The following CSMD1 variants were observed in gnomAD, a reference collection of about 807,000 sequenced individuals.
CSMD1 encodes the protein CUB and sushi domain-containing protein 1.
Under a neutral mutation model 417.5 loss-of-function variants are expected in CSMD1, and 213 were observed. The observed-to-expected ratio is 0.51, with a 90% CI of 0.46 to 0.57. CSMD1 has a LOEUF of 0.57. Among genes scored for constraint, CSMD1 ranks in the 20% least tolerant of loss-of-function variants. The probability of loss-of-function intolerance (pLI) is 0.00; values close to 1 mark genes in which losing one functional copy is unlikely to be tolerated. For synonymous variants in CSMD1, 2,862 were observed against 1,736.8 expected (o/e 1.65, Z -16.11); for missense variants, 6,923 against 4,529.7 (o/e 1.53, Z -15.17).
chr8:4,473,710 A>G (rs1014560233), intron 2 of CSMD1, among the ~76,000 whole-genome samples: 1 of 152,230 alleles, frequency 6.6e-6, no homozygotes, highest in African/African-American at 2.4e-5. Flanking sequence ...TAAGGTATGC[A>G]GGAATGTGTA....
intron 7 of CSMD1, among the ~76,000 whole-genome samples, chr8:3,651,400 G>A (rs1340689753): frequency 6.6e-6 from 1 of 152,008 alleles, no homozygotes; most frequent in Non-Finnish European, 1.5e-5. Flanking sequence ...GGAAGCCATG[G>A]CCCTTCATGG....
intron 2 of CSMD1, among the ~76,000 whole-genome samples, chr8:4,461,855 C>G (rs1332059662): frequency 6.6e-6 from 1 of 151,448 alleles, no homozygotes; most frequent in Non-Finnish European, 1.5e-5. Flanking sequence ...ATTCTCCTGC[C>G]TCAGCCTCCC....
chr8:4,727,072 G>A (rs1037278040), intron 1 of CSMD1, among the ~76,000 whole-genome samples: 3 of 152,094 alleles, frequency 2.0e-5, no homozygotes, highest in Non-Finnish European at 2.9e-5. Context: ...ATTGATGTCA[G>A]GGCTTTCTAC....
chr8:3,254,757 T>G (rs1249823803), intron 26 of CSMD1, among the ~76,000 whole-genome samples: 1 of 152,210 alleles, frequency 6.6e-6, no homozygotes, highest in Non-Finnish European at 1.5e-5. Flanking sequence ...TTGGTTATTC[T>G]AGTTAGCCAT....
intron 10 of CSMD1, among the ~76,000 whole-genome samples, chr8:3,526,797 C>T (rs928716233): frequency 5.3e-5 from 8 of 152,168 alleles, no homozygotes; most frequent in African/African-American, 1.7e-4. Context: ...TTGCAGCAGA[C>T]GACGCTGGTT....
Position 3,664,391 on chromosome 8 carries a change from C to T in CSMD1, c.1009+44023G>A, listed in dbSNP as rs930002627. Among the ~76,000 whole-genome samples the T allele has an allele frequency of 5.3e-4, 80 of 152,300 alleles. 1 individual carries two copies. The highest frequency in any genetic ancestry group is 1.8e-3 in the African/African-American group (76 of 41,566). On this transcript the variant is annotated intron_variant, in intron 7 of 69. Coordinates refer to ENST00000635120, the MANE Select transcript of CSMD1 (RefSeq NM_033225.6). Reference sequence around the variant, plus strand: ...AATGAAGCTTTTTCTGCTCCTGGTTCACTTCAATAACCTGAATCAGTTCTC... The same window carrying T: ...AATGAAGCTTTTTCTGCTCCTGGTTTACTTCAATAACCTGAATCAGTTCTC...
At chr8:4,067,638 A>T (rs1799321218) in intron 3 of CSMD1, among the ~76,000 whole-genome samples, 1 of 152,200 alleles carries the variant, frequency 6.6e-6, no homozygotes, top group Non-Finnish European at 1.5e-5. Context: ...ACATAAACTG[A>T]TTTCATTCAA....
intron 5 of CSMD1, among the ~76,000 whole-genome samples, chr8:3,835,332 C>T (rs1200301668): frequency 2.0e-5 from 3 of 152,070 alleles, no homozygotes; most frequent in East Asian, 1.9e-4. Flanking sequence ...TGTCCAACAA[C>T]GACAGACTGG....
chr8:4,010,568 G>A (rs139966759), intron 4 of CSMD1, among the ~76,000 whole-genome samples: 155 of 151,958 alleles, frequency 1.0e-3, no homozygotes, highest in South Asian at 2.3e-3. Flanking sequence ...TAAGGCATCA[G>A]TTTCTACAGC....
chr8:3,646,858 G>C (rs930622205), intron 7 of CSMD1, among the ~76,000 whole-genome samples: 1 of 152,104 alleles, frequency 6.6e-6, no homozygotes, highest in Non-Finnish European at 1.5e-5. Context: ...CTCTCTGGCT[G>C]AATTTGGGTC....
At chr8:3,489,576 C>G (rs1012953219) in intron 11 of CSMD1, among the ~76,000 whole-genome samples, 1 of 152,174 alleles carries the variant, frequency 6.6e-6, no homozygotes. Context: ...AAGAAAGTTA[C>G]TTAACTTTCT....
chr8:4,405,102 T>C (rs1054384602), intron 3 of CSMD1, among the ~76,000 whole-genome samples: 1 of 152,160 alleles, frequency 6.6e-6, no homozygotes, highest in Middle Eastern at 3.2e-3. Flanking sequence ...TCAGAAGAGA[T>C]TTTCAGACTA....
At chr8:4,336,963 C>A (rs1214313487) in intron 3 of CSMD1, among the ~76,000 whole-genome samples, 1 of 152,000 alleles carries the variant, frequency 6.6e-6, no homozygotes, top group East Asian at 1.9e-4. Flanking sequence ...ATGGAGCAAA[C>A]CCTCAGGATT....
chr8:4,744,036 C>T (rs998673089), intron 1 of CSMD1, among the ~76,000 whole-genome samples: 1 of 152,222 alleles, frequency 6.6e-6, no homozygotes, highest in African/African-American at 2.4e-5. Flanking sequence ...GGCTGGCACA[C>T]GCAGCCCCGT....
chr8:3,904,811 A>G (rs991736970), intron 5 of CSMD1, among the ~76,000 whole-genome samples: 2 of 151,786 alleles, frequency 1.3e-5, no homozygotes, highest in Admixed American at 6.6e-5. Flanking sequence ...TAATTTTTGT[A>G]TTTTTAGTAA....
chr8:3,535,674 T>C (rs554667836), intron 10 of CSMD1, among the ~76,000 whole-genome samples: 2 of 152,232 alleles, frequency 1.3e-5, no homozygotes, highest in Non-Finnish European at 2.9e-5. Flanking sequence ...AATCTATGCA[T>C]GTAACAAAAT....
At chr8:3,893,362 T>TATATATATATATA (rs1554476819) in intron 5 of CSMD1, among the ~76,000 whole-genome samples, 61 of 125,442 alleles carry the variant, frequency 4.9e-4, no homozygotes, top group East Asian at 1.4e-3. Context: ...TATATATATA[T>TATATATATATATA]TATTTTTTTT....
At chr8:4,133,588 G>A (rs969840292) in intron 3 of CSMD1, among the ~76,000 whole-genome samples, 2 of 152,130 alleles carry the variant, frequency 1.3e-5, no homozygotes, top group Non-Finnish European at 2.9e-5. Context: ...GCCGATATGT[G>A]TAATAAACAC....
At chr8:4,668,552 C>A (rs1805097050) in intron 1 of CSMD1, among the ~76,000 whole-genome samples, 1 of 151,406 alleles carries the variant, frequency 6.6e-6, no homozygotes, top group Non-Finnish European at 1.5e-5. Flanking sequence ...CTGGTTCACG[C>A]CATTCTCCTG....
Sources: allele counts gnomAD v4.1 joint callset (sites outside exome capture counted in the v4.1 genomes callset), GRCh38; gene constraint gnomAD v4.1.1; transcripts MANE v1.5; gene names NCBI Gene and HGNC (gene_info 2026-07-23, HGNC 2026-07-21).